The following TRA2B variants were observed in gnomAD, a reference collection of about 807,000 sequenced individuals.
The protein encoded by TRA2B is transformer-2 protein homolog beta.
Under a neutral mutation model 41.7 loss-of-function variants are expected in TRA2B, and 14 were observed. The ratio of observed to expected loss-of-function variants is 0.34; its 90% CI spans 0.22 to 0.53. The LOEUF (loss-of-function observed/expected upper bound fraction) is 0.53, where lower values mean the gene tolerates loss of function less well. Ranked by LOEUF, TRA2B falls within the 20% of genes least tolerant of loss-of-function variation. The pLI, the probability that TRA2B is intolerant of heterozygous loss-of-function variation, is 0.95. For missense variants in TRA2B, 167 were observed against 396.8 expected (o/e 0.42, Z 4.92); for synonymous variants, 130 against 128.8 (o/e 1.01, Z -0.06).
chr3:185,918,572 T>C (rs1743592954), intron 7 of TRA2B, 134 bp from the exon 8 acceptor site: 1 of 523,396 alleles, frequency 1.9e-6, no homozygotes, highest in South Asian at 3.5e-5. Flanking sequence ...TCAAGGTCTG[T>C]TTAAATCTTG....
rs1743477128 is a variant in TRA2B, at chr3:185,915,694, A to G, written c.*2021T>C. On this transcript the variant is annotated 3_prime_UTR_variant, in exon 9 of 9. Transcript: ENST00000453386. ...CAACTCAAACTAGCCTAAAAAAGGA[A>G]ACTTTCAATCAGCAGGATAAAGGAT... 6.6e-6 allele frequency among the ~76,000 whole-genome samples: 1 copy of G among 152,212 alleles called. No individual in the cohort carries two copies. The highest frequency in any genetic ancestry group is 1.5e-5 in the Non-Finnish European group (1 of 68,032).
rs543259712 is a variant in TRA2B at position 185,937,915 on chromosome 3, T to G, written c.-55A>C. 1 of 1,609,074 alleles carries G rather than the reference T, an allele frequency of 6.2e-7. No homozygotes were observed. The highest frequency in any genetic ancestry group is 2.2e-5 in the East Asian group (1 of 44,824). ...GCTTCAATCGAAGCTGCCAACCTCT[T>G]GCACCTTCCTTAAGGAGGCTCCGCC... is the stretch of plus-strand genomic sequence containing the variant. On this transcript the variant is annotated 5_prime_UTR_variant, in exon 1 of 9. Coordinates refer to ENST00000453386, the MANE Select transcript of TRA2B (RefSeq NM_004593.3).
At chr3:185,927,276 C>T (rs913150035) in intron 1 of TRA2B, 9 of 152,182 alleles carry the variant, frequency 5.9e-5, no homozygotes, top group Admixed American at 3.9e-4. Context: ...AAAGCAGAAA[C>T]CTAGTGGAAA....
intron 8 of TRA2B, 51 bp from the exon 9 acceptor site, chr3:185,917,776 A>G (rs751814831): frequency 6.3e-7 from 1 of 1,581,694 alleles, no homozygotes; most frequent in Non-Finnish European, 8.7e-7. Flanking sequence ...CTAATTATCA[A>G]GTATACTTTA....
chr3:185,937,409 C>A (rs1465480524), intron 1 of TRA2B: 2 of 1,011,212 alleles, frequency 2.0e-6, no homozygotes, highest in Non-Finnish European at 2.4e-6. Context: ...TCCGCGTTGC[C>A]GCGCGGCTTC....
chr3:185,935,386 GACACA>G (rs1744309006), intron 1 of TRA2B: 1 of 985,302 alleles, frequency 1.0e-6, no homozygotes, highest in African/African-American at 1.7e-5. Flanking sequence ...AGGGATGAGG[GACACA>G]CCAGTTCTTT....
chr3:185,918,332 AAT>A (rs1230299591), intron 8 of TRA2B, 31 bp downstream of exon 8: 1 of 1,525,274 alleles, frequency 6.6e-7, no homozygotes, highest in South Asian at 1.1e-5. Flanking sequence ...GCCATACTAC[AAT>A]ATAAACAATC....
intron 4 of TRA2B, 149 bp downstream of exon 4, chr3:185,923,647 C>T (rs1291948923): frequency 1.5e-6 from 1 of 647,536 alleles, no homozygotes; most frequent in Non-Finnish European, 2.4e-6. Context: ...TTTTGTTATT[C>T]TGCATGTATC....
At chr3:185,934,954 A>G (rs1178553836) in intron 1 of TRA2B, 1 of 985,314 alleles carries the variant, frequency 1.0e-6, no homozygotes, top group Non-Finnish European at 1.2e-6. Flanking sequence ...GTGTCTCCTT[A>G]GTTTCTGGAT....
Position 185,915,131 on chromosome 3 carries a change from T to G in TRA2B, c.*2584A>C, listed in dbSNP as rs73175602. 0.084 allele frequency among the ~76,000 whole-genome samples: 12,836 copies of G among 152,150 alleles called. 891 individuals are homozygous for G. The highest frequency in any genetic ancestry group is 0.3 in the South Asian group (1,440 of 4,814). Reference sequence around the variant, plus strand: ...TTGCTGATCTGACAGGCGGCGGAGCTCAGGCAATCCATGGCCAGGAGATCG... The same window carrying G: ...TTGCTGATCTGACAGGCGGCGGAGCGCAGGCAATCCATGGCCAGGAGATCG... On this transcript the variant is annotated 3_prime_UTR_variant, in exon 9 of 9. Transcript: ENST00000453386.
At chr3:185,921,669 CAGG>C (rs1220381120) in intron 5 of TRA2B, among the ~76,000 whole-genome samples, 2 of 152,170 alleles carry the variant, frequency 1.3e-5, no homozygotes, top group Admixed American at 1.3e-4. Context: ...GAGGCTGAGG[CAGG>C]AGAACTGCTT....
chr3:185,926,722 C>G lies in TRA2B; in HGVS notation c.49G>C (p.Ala17Pro), dbSNP rs766733752. The part of the protein sequence containing the change: ...QNYGERESRS[A>P]SRSGSAHGSG... ...CCGTGAGCACTTCCACTTCTGGAAGCAGAACGGGATTCCTACACGTAGATG... is the reference window on the plus strand; with the variant it reads ...CCGTGAGCACTTCCACTTCTGGAAGGAGAACGGGATTCCTACACGTAGATG... Residue 17 changes from alanine (A) to proline (P), a missense_variant, in exon 2 of 9, where the codon GCT (alanine) becomes CCT (proline). Physicochemically the swap from Ala to Pro is conservative, Grantham distance 27. Around this residue, in one of 5 missense-constraint regions of TRA2B, gnomAD observed 94 missense variants for 133.4 expected, o/e 0.70. Coordinates refer to ENST00000453386, the MANE Select transcript of TRA2B (RefSeq NM_004593.3). 2.5e-6 allele frequency: 4 copies of G among 1,614,052 alleles called. No homozygotes were observed. In the Admixed American group the frequency reaches 6.7e-5, roughly 27 times the overall value.
In TRA2B at chr3:185,923,993, A is replaced by G; in HGVS notation, c.334-9T>C. 1 of 1,583,834 alleles carries G rather than the reference A, an allele frequency of 6.3e-7. No individual in the cohort carries two copies. The highest frequency in any genetic ancestry group is 8.5e-7 in the Non-Finnish European group (1 of 1,170,748). ...TTAGGATCAGGATTTGCCTAGGGAAAAAAAAAAGTTTTAAACTTTGGAAAA... is the reference window on the plus strand; with the variant it reads ...TTAGGATCAGGATTTGCCTAGGGAAGAAAAAAAGTTTTAAACTTTGGAAAA... On this transcript the variant is annotated splice_polypyrimidine_tract_variant and intron_variant, in intron 3 of 8. Transcript: ENST00000453386.
chr3:185,931,231 A>C (rs1441133706), intron 1 of TRA2B, among the ~76,000 whole-genome samples: 1 of 152,196 alleles, frequency 6.6e-6, no homozygotes, highest in African/African-American at 2.4e-5. Context: ...AGTGCAATCT[A>C]AGAGTCCAGG....
chr3:185,928,089 C>T (rs533962011), intron 1 of TRA2B: 1 of 152,150 alleles, frequency 6.6e-6, no homozygotes, highest in African/African-American at 2.4e-5. Flanking sequence ...CTTGAAAGGA[C>T]AGTAGAGGAT....
chr3:185,921,530 C>T (rs1003119964), intron 5 of TRA2B, among the ~76,000 whole-genome samples: 6 of 152,054 alleles, frequency 3.9e-5, no homozygotes, highest in African/African-American at 1.2e-4. Flanking sequence ...TTTGGGAGGC[C>T]GAGGCGGGCA....
chr3:185,919,300 C>T (rs866607645), intron 7 of TRA2B, 137 bp downstream of exon 7: 99 of 599,764 alleles, frequency 1.7e-4, no homozygotes, highest in African/African-American at 1.4e-3. Context: ...ATTTAGTTTC[C>T]GTTAGAATAT....
chr3:185,934,314 T>A (rs1744263769), intron 1 of TRA2B: 2 of 985,060 alleles, frequency 2.0e-6, no homozygotes, highest in Non-Finnish European at 2.4e-6. Flanking sequence ...CCACCTACGT[T>A]CGGATTTTAT....
At position 185,936,706 on chromosome 3, in the gene TRA2B, T is replaced by TCCC. The variant is rs1001942489; in HGVS notation, c.36+1116_36+1118dup. On this transcript the variant is annotated intron_variant, in intron 1 of 8. Coordinates refer to ENST00000453386, the MANE Select transcript of TRA2B (RefSeq NM_004593.3). ...TTTTTTTTAAAAAAGCACAAATTAT[T>TCCC]CCCACAGCCTCAAAAATCAATTTCT... The TCCC allele has an allele frequency of 1.6e-5, 16 of 978,892 alleles. No homozygotes were observed. In the African/African-American group the frequency reaches 2.7e-4, roughly 17 times the overall value. The allele number at this position is 978,892 out of a possible 1,614,324, so 60.6% of individuals were successfully genotyped here. A position where few individuals can be genotyped will look rare whatever the true frequency, so the allele number is the denominator to read the frequency against.
Sources: allele counts gnomAD v4.1 joint callset (sites outside exome capture counted in the v4.1 genomes callset), GRCh38; gene constraint gnomAD v4.1.1; regional missense constraint gnomAD v4.1.1; transcripts MANE v1.5; gene names NCBI Gene and HGNC (gene_info 2026-07-23, HGNC 2026-07-21).